Variants in TJP2 observed in about 807,000 individuals in gnomAD.
The protein encoded by TJP2 is tight junction protein 2.
A neutral mutation model predicts 133.1 loss-of-function variants in TJP2; 91 were observed. The observed-to-expected ratio is 0.68, with a 90% confidence interval of 0.58 to 0.81. The LOEUF (loss-of-function observed/expected upper bound fraction) is 0.81. TJP2 is among the 40% of genes least tolerant of loss of function. The pLI, the probability that TJP2 is intolerant of heterozygous loss-of-function variation, is 0.00. For missense variants in TJP2, 1,541 were observed against 1,565.6 expected, an observed-to-expected ratio of 0.98 and a Z score of 0.26; for synonymous variants, 592 against 583.4, an observed-to-expected ratio of 1.01 and a Z score of -0.21.
chr9:69,171,789 ATTTTTT>A (rs34717893), upstream of TJP2, among the ~76,000 whole-genome samples: 48 of 86,756 alleles, frequency 5.5e-4, no homozygotes, highest in East Asian at 2.5e-3. Flanking sequence ...GAGTAGAAGA[ATTTTTT>A]TTTTTTTTTT....
intron 1 of TJP2, among the ~76,000 whole-genome samples, chr9:69,142,468 G>A (rs1484270633): frequency 6.6e-6 from 1 of 152,108 alleles, no homozygotes; most frequent in African/African-American, 2.4e-5. Flanking sequence ...ATATTAAGGA[G>A]GAGAGAAATG....
At chr9:69,217,096 C>T (rs1009839030) in intron 3 of TJP2, among the ~76,000 whole-genome samples, 9 of 150,274 alleles carry the variant, frequency 6.0e-5, no homozygotes, top group African/African-American at 2.0e-4. Flanking sequence ...TCAAGCAATT[C>T]TCTTCTGCCT....
chr9:69,140,958 T>C (rs902906782), intron 1 of TJP2, among the ~76,000 whole-genome samples: 11 of 152,212 alleles, frequency 7.2e-5, no homozygotes, highest in African/African-American at 2.4e-4. Context: ...GTGATTCTCC[T>C]GCCTTAGCTT....
In TJP2 at chr9:69,137,265, CTTTCT is replaced by C. The variant is rs1554768430; in HGVS notation, c.-130-14382_-130-14378del. ...TCTCTCTCTCTTTCTTTCTTTCTTT[CTTTCT>C]TTTTCTTTCTTTCTTTCTTTCTTTC... On this transcript the variant is annotated intron_variant, in intron 1 of 5. Transcript: ENST00000423935. 1.9e-3 allele frequency among the ~76,000 whole-genome samples: 182 copies of C among 96,914 alleles called. 2 individuals carry two copies. Among genetic ancestry groups the C allele is most frequent in the African/African-American group, 8.7e-3 (174 of 19,980 alleles). The allele number at this position is 96,914 out of a possible 152,430, so 63.6% of individuals were successfully genotyped here. A position where few individuals can be genotyped will look rare whatever the true frequency, so the allele number is the denominator to read the frequency against.
chr9:69,233,399 T>C (rs1451017126), intron 11 of TJP2, among the ~76,000 whole-genome samples: 1 of 152,026 alleles, frequency 6.6e-6, no homozygotes, highest in African/African-American at 2.4e-5. Flanking sequence ...TTCTACAAAA[T>C]ATTATTAACA....
chr9:69,121,491 C>G (rs572327259), exon 1 of TJP2: 164 of 348,102 alleles, frequency 4.7e-4, no homozygotes, highest in African/African-American at 3.4e-3. Context: ...CAGGAAATAG[C>G]CCGAATCACA....
intron 2 of TJP2, among the ~76,000 whole-genome samples, chr9:69,168,851 A>C (rs1239341371): frequency 6.7e-6 from 1 of 149,688 alleles, no homozygotes; most frequent in African/African-American, 2.5e-5. Flanking sequence ...ACTAAAAGTG[A>C]AAGCATAAGG....
chr9:69,167,229 G>A (rs1824406428), intron 2 of TJP2, among the ~76,000 whole-genome samples: 1 of 152,006 alleles, frequency 6.6e-6, no homozygotes, highest in Non-Finnish European at 1.5e-5. Context: ...CAGCAAGACT[G>A]TCTCAAAAAC....
intron 7 of TJP2, 73 bp downstream of exon 7, chr9:69,226,248 G>C: frequency 6.5e-7 from 1 of 1,540,630 alleles, no homozygotes; most frequent in Non-Finnish European, 8.9e-7. Context: ...TCTATTTAGT[G>C]TAGCTATCCA....
At chr9:69,242,686 T>A (rs1830655243) in intron 17 of TJP2, among the ~76,000 whole-genome samples, 3 of 152,158 alleles carry the variant, frequency 2.0e-5, no homozygotes, top group South Asian at 4.1e-4. Context: ...TCTTCCAGAC[T>A]TCAAAGTTTG....
intron 17 of TJP2, among the ~76,000 whole-genome samples, chr9:69,243,965 C>T (rs1369580584): frequency 6.6e-6 from 1 of 152,098 alleles, no homozygotes; most frequent in Non-Finnish European, 1.5e-5. Context: ...GGGCAGGTCA[C>T]TTGAGCTCAG....
chr9:69,230,105 T>C lies in TJP2; in HGVS notation c.1544T>C (p.Phe515Ser). 6.2e-7 allele frequency: 1 copy of C among 1,614,172 alleles called. No homozygotes were observed. ...IYGPNTKMVR[F>S]KKGDSVGLRL... ...AGCCCTAATACCAAAATGGTAAGGT[T>C]CAAGAAGGGAGACAGCGTGGGCCTC... The change falls in exon 11 of 23, where the codon TTC becomes TCC. Residue 515 changes from phenylalanine to serine, a missense_variant. Transcript: ENST00000377245.
chr9:69,213,855 G>A (rs967242878), intron 2 of TJP2, among the ~76,000 whole-genome samples: 5 of 152,134 alleles, frequency 3.3e-5, no homozygotes, highest in Non-Finnish European at 5.9e-5. Flanking sequence ...ACCAGGTGCC[G>A]GCTGGTGGTG....
chr9:69,254,927 ATAGCTG>A lies in TJP2; in HGVS notation c.*557_*562del. 3.1e-6 allele frequency: 1 copy of A among 327,802 alleles called. No homozygotes were observed. Among genetic ancestry groups the A allele is most frequent in the Non-Finnish European group, 5.6e-6 (1 of 179,994 alleles). The allele number at this position is 327,802 out of a possible 1,614,324, so 20.3% of individuals were successfully genotyped here. ...TTGACTAAGTTTTTATACCAGCTTAATAGCTGTAGTTTTCCCTGCACTGTGTCATCT... is the reference window on the plus strand; with the variant it reads ...TTGACTAAGTTTTTATACCAGCTTAATAGTTTTCCCTGCACTGTGTCATCT... On this transcript the variant is annotated 3_prime_UTR_variant, in exon 23 of 23. Transcript: ENST00000377245.
intron 1 of TJP2, among the ~76,000 whole-genome samples, chr9:69,195,651 A>C (rs1242534613): frequency 6.6e-6 from 1 of 152,194 alleles, no homozygotes; most frequent in African/African-American, 2.4e-5. Flanking sequence ...GCATATTGTT[A>C]ATGTCCAATC....
chr9:69,251,072 C>T lies in TJP2; in HGVS notation c.3029C>T (p.Ser1010Phe), dbSNP rs41277907. 0.071 allele frequency: 115,338 copies of T among 1,614,074 alleles called. 4,531 individuals carry two copies. Among genetic ancestry groups the T allele is most frequent in the Middle Eastern group, 0.089 (539 of 6,062 alleles). ...AACAAAGAAGAATCCTATGACTTCT[C>T]CAAATCCTATGAATATAAGTCAAAC... ...TQNKEESYDFSKSYEYKSNPS... is the reference protein window; with the variant it reads ...TQNKEESYDFFKSYEYKSNPS... Residue 1010 changes from serine (S) to phenylalanine (F), a missense_variant, in exon 21 of 23, where the codon TCC becomes TTC. By Grantham distance (155) the Ser-to-Phe change is radical. Coordinates refer to ENST00000377245, the MANE Select transcript of TJP2 (RefSeq NM_004817.4).
intron 5 of TJP2, among the ~76,000 whole-genome samples, chr9:69,223,910 A>G (rs1384427116): frequency 6.6e-6 from 1 of 152,216 alleles, no homozygotes; most frequent in Non-Finnish European, 1.5e-5. Flanking sequence ...TGAATTGTGG[A>G]AAGTTACTTT....
At chr9:69,225,452 C>A in intron 6 of TJP2, 45 bp downstream of exon 6, 3 of 1,254,616 alleles carry the variant, frequency 2.4e-6, no homozygotes, top group South Asian at 1.2e-5. Flanking sequence ...TACTGCCGTT[C>A]ATCGCCTGCA....
intron 1 of TJP2, among the ~76,000 whole-genome samples, chr9:69,205,998 A>C (rs965761421): frequency 8.5e-5 from 13 of 152,194 alleles, no homozygotes; most frequent in African/African-American, 2.9e-4. Flanking sequence ...TTAAAAAAAA[A>C]CACAATAAGT....
Sources: allele counts gnomAD v4.1 joint callset (sites outside exome capture counted in the v4.1 genomes callset), GRCh38; gene constraint gnomAD v4.1.1; transcripts MANE v1.5; gene names NCBI Gene and HGNC (gene_info 2026-07-23, HGNC 2026-07-21).